The following EPM2A variants were observed in gnomAD, a reference collection of about 807,000 sequenced individuals.
EPM2A encodes the protein EPM2A glucan phosphatase, laforin.
Under a neutral mutation model 26.5 loss-of-function variants are expected in EPM2A, and 21 were observed. The observed-to-expected ratio is 0.79, with a 90% CI of 0.56 to 1.14. The LOEUF is 1.14. Among genes scored for constraint, EPM2A ranks in the 50% most tolerant of loss-of-function variants. The pLI, the probability that EPM2A is intolerant of heterozygous loss-of-function variation, is 0.00. For missense variants in EPM2A, 458 were observed against 440.8 expected, an observed-to-expected ratio of 1.04 and a Z score of -0.35; for synonymous variants, 217 against 177.6, an observed-to-expected ratio of 1.22 and a Z score of -1.76.
intron 2 of EPM2A, among the ~76,000 whole-genome samples, chr6:145,616,366 TAAG>T (rs1446925500): frequency 2.6e-5 from 4 of 152,238 alleles, no homozygotes; most frequent in African/African-American, 4.8e-5. Flanking sequence ...TGCCTAGATT[TAAG>T]AAGATGCATG....
upstream of EPM2A, chr6:145,735,637 C>T (rs2128650300): frequency 9.2e-7 from 1 of 1,083,812 alleles, no homozygotes; most frequent in Non-Finnish European, 1.1e-6. Flanking sequence ...TGTTCTGCGC[C>T]TTCTTTGGGA....
chr6:145,538,846 T>C (rs1338012231), intron 2 of EPM2A, among the ~76,000 whole-genome samples: 2 of 152,214 alleles, frequency 1.3e-5, no homozygotes, highest in East Asian at 1.9e-4. Flanking sequence ...ATATGGCACA[T>C]ACATTATTTC....
chr6:145,629,481 T>C (rs1269854250), intron 3 of EPM2A: 2 of 152,198 alleles, frequency 1.3e-5, no homozygotes, highest in Non-Finnish European at 2.9e-5. Flanking sequence ...GACAGCAAGA[T>C]GTCTCAGCAT....
chr6:145,428,467 T>C (rs564664700), intron 4 of EPM2A, among the ~76,000 whole-genome samples: 2 of 152,326 alleles, frequency 1.3e-5, no homozygotes, highest in African/African-American at 2.4e-5. Flanking sequence ...TTGAACAGCA[T>C]TGAACATCCA....
intron 4 of EPM2A, among the ~76,000 whole-genome samples, chr6:145,436,454 C>T (rs9497302): frequency 0.048 from 7,327 of 152,158 alleles, 590 homozygotes; most frequent in African/African-American, 0.16. Flanking sequence ...TTTACATTTC[C>T]ACCAGCAATG....
Position 145,625,359 on chromosome 6 carries a change from G to T in EPM2A, c.*2057C>A, listed in dbSNP as rs80308784. ...TTTTGGGTGATTTTGAAATACATTA[G>T]ACATCCCATTCATTGAGGAAAAAGA... is the stretch of plus-strand genomic sequence containing the variant. On this transcript the variant is annotated 3_prime_UTR_variant, in exon 4 of 4. Coordinates refer to ENST00000367519, the MANE Select transcript of EPM2A (RefSeq NM_005670.4). 51 of 219,804 alleles carry T rather than the reference G, an allele frequency of 2.3e-4. No homozygotes were observed. In the East Asian group the frequency reaches 4.0e-3, roughly 17 times the overall value. The allele number at this position is 219,804 out of a possible 1,614,324, so 13.6% of individuals were successfully genotyped here. A position where few individuals can be genotyped will look rare whatever the true frequency, so the allele number is the denominator to read the frequency against.
intron 2 of EPM2A, among the ~76,000 whole-genome samples, chr6:145,519,986 G>A (rs1582819768): frequency 6.6e-6 from 1 of 152,086 alleles, no homozygotes. Flanking sequence ...CTCATATTTT[G>A]ACACTGAATC....
chr6:145,617,704 C>T (rs1457272980), intron 2 of EPM2A, among the ~76,000 whole-genome samples: 1 of 152,110 alleles, frequency 6.6e-6, no homozygotes, highest in Non-Finnish European at 1.5e-5. Flanking sequence ...TTTGGGAGAC[C>T]AAGGCAGGAG....
intron 1 of EPM2A, among the ~76,000 whole-genome samples, chr6:145,720,006 GT>G (rs1481424712): frequency 6.6e-6 from 1 of 152,118 alleles, no homozygotes; most frequent in East Asian, 1.9e-4. Context: ...AGTTTTTAGT[GT>G]TTTTTTATGT....
At chr6:145,717,805 G>A (rs951543929) in intron 1 of EPM2A, among the ~76,000 whole-genome samples, 18 of 150,848 alleles carry the variant, frequency 1.2e-4, no homozygotes, top group Non-Finnish European at 2.1e-4. Context: ...AAAATCACAA[G>A]CATTCTTATA....
At chr6:145,675,622 C>T (rs1036521790) in intron 2 of EPM2A, among the ~76,000 whole-genome samples, 2 of 152,106 alleles carry the variant, frequency 1.3e-5, no homozygotes, top group African/African-American at 4.8e-5. Flanking sequence ...CAAGAAAAAG[C>T]AGGGGTTGCA....
chr6:145,407,354 A>C lies in EPM2A; in HGVS notation c.556-23257T>G, dbSNP rs368132500. On this transcript the variant is annotated intron_variant, in intron 4 of 4. Coordinates refer to the EPM2A transcript ENST00000638717. ...TTGTCATAATATGAGCTCTGGACCT[A>C]CAACTAAGAGACTCCTGTCAGGGCC... 9.2e-5 allele frequency among the ~76,000 whole-genome samples: 14 copies of C among 152,286 alleles called. 1 individual carries two copies. The highest frequency in any genetic ancestry group is 3.4e-4 in the African/African-American group (14 of 41,566).
chr6:145,610,602 G>A (rs144641316), intron 2 of EPM2A, among the ~76,000 whole-genome samples: 40 of 152,334 alleles, frequency 2.6e-4, no homozygotes, highest in African/African-American at 8.4e-4. Context: ...AAGCTGGAAG[G>A]TAGTAAGCAT....
chr6:145,692,908 G>T (rs1404254906), intron 1 of EPM2A, among the ~76,000 whole-genome samples: 6 of 151,914 alleles, frequency 3.9e-5, no homozygotes, highest in Non-Finnish European at 7.4e-5. Flanking sequence ...GCTCTTTTTT[G>T]ATTCCATATG....
At chr6:145,662,090 A>G (rs563981956) in intron 2 of EPM2A, among the ~76,000 whole-genome samples, 12 of 152,252 alleles carry the variant, frequency 7.9e-5, no homozygotes, top group South Asian at 2.1e-4. Flanking sequence ...TTCCCCACCT[A>G]CTGTCACAGA....
At chr6:145,458,838 T>C (rs541415262) in intron 4 of EPM2A, among the ~76,000 whole-genome samples, 5 of 149,910 alleles carry the variant, frequency 3.3e-5, no homozygotes, top group African/African-American at 9.8e-5. Flanking sequence ...TTCCCTGCTT[T>C]AAACACATTA....
intron 1 of EPM2A, among the ~76,000 whole-genome samples, chr6:145,704,919 A>G (rs1300899711): frequency 1.3e-5 from 2 of 152,242 alleles, no homozygotes; most frequent in Non-Finnish European, 2.9e-5. Context: ...TGTCTTTTAG[A>G]AAAACTTATG....
At chr6:145,611,078 G>T (rs1775382591) in intron 2 of EPM2A, among the ~76,000 whole-genome samples, 1 of 151,866 alleles carries the variant, frequency 6.6e-6, no homozygotes, top group Non-Finnish European at 1.5e-5. Context: ...CTCTATTTCT[G>T]TCATTAAAAA....
intron 2 of EPM2A, among the ~76,000 whole-genome samples, chr6:145,646,545 C>A (rs1430727777): frequency 6.6e-6 from 1 of 152,012 alleles, no homozygotes; most frequent in African/African-American, 2.4e-5. Context: ...TACTGATCAC[C>A]CTATTACCCT....
Sources: gnomAD v4.1 joint callset for allele counts (sites outside exome capture counted in the v4.1 genomes callset) on GRCh38, gnomAD v4.1.1 for gene constraint, MANE v1.5 for transcripts, NCBI Gene and HGNC (gene_info 2026-07-23, HGNC 2026-07-21) for gene names.